NCAPH2: variants seen among roughly 807,000 people sequenced by gnomAD.
NCAPH2 encodes the protein condensin-2 complex subunit H2.
A neutral mutation model predicts 88.6 loss-of-function variants in NCAPH2; 56 were observed. The ratio of observed to expected loss-of-function variants is 0.63; its 90% CI spans 0.51 to 0.79. The LOEUF is 0.79. Among genes scored for constraint, NCAPH2 ranks in the 30% least tolerant of loss-of-function variants. The pLI is 0.00. For missense variants in NCAPH2, 794 were observed against 792.0 expected, an observed-to-expected ratio of 1.00 and a Z score of -0.03; for synonymous variants, 378 against 313.6, an observed-to-expected ratio of 1.21 and a Z score of -2.17.
At position 50,524,667 on chromosome 22, in the gene NCAPH2, C is replaced by T. The variant is rs576097032; in HGVS notation, c.*1292C>T. 7.3e-6 allele frequency: 5 copies of T among 686,334 alleles called. No individual in the cohort carries two copies. The African/African-American group carries it at 8.8e-5, about 12-fold the overall frequency. The allele number at this position is 686,334 out of a possible 1,614,324, so 42.5% of individuals were successfully genotyped here. On this transcript the variant is annotated 3_prime_UTR_variant, in exon 20 of 20. Transcript: ENST00000420993. Reference sequence around the variant, plus strand: ...CACCAGCCTGTCACCGCACCCTGCCCTGCACCTGCACCTCAGCAAGGTGAA... The same window carrying T: ...CACCAGCCTGTCACCGCACCCTGCCTTGCACCTGCACCTCAGCAAGGTGAA...
chr22:50,523,836 G>C lies in NCAPH2; in HGVS notation c.*461G>C, dbSNP rs201909075. On this transcript the variant is annotated 3_prime_UTR_variant, in exon 20 of 20. Transcript: ENST00000420993. ...CCTGGGCAACCTGTTTGGTGGAGCC[G>C]GTCAGACCCAACAGTCTTGGGTGGA... The C allele has an allele frequency of 1.2e-6, 2 of 1,613,918 alleles. No homozygotes were observed. The highest frequency in any genetic ancestry group is 1.7e-6 in the Non-Finnish European group (2 of 1,180,032).
rs1204598721 is a variant in NCAPH2 at position 50,521,041 on chromosome 22, G to A, written c.933+5G>A. On this transcript the variant is annotated splice_donor_5th_base_variant and intron_variant, in intron 10 of 19. Transcript: ENST00000420993. ...GAGCCTGCATCCTGCGTGAAGGTAGGAGTGTTGGGGCCCTGACCCCCGGCA... is the reference window on the plus strand; with the variant it reads ...GAGCCTGCATCCTGCGTGAAGGTAGAAGTGTTGGGGCCCTGACCCCCGGCA... 4 of 1,550,012 alleles carry A rather than the reference G, an allele frequency of 2.6e-6. No homozygotes were observed. Among genetic ancestry groups the A allele is most frequent in the Non-Finnish European group, 3.5e-6 (4 of 1,146,768 alleles).
rs1164767606 is a variant in NCAPH2 at position 50,516,431 on chromosome 22, GTGT to G, written c.109-11_109-9del. The G allele has an allele frequency of 6.2e-7, 1 of 1,613,574 alleles. No homozygotes were observed. The highest frequency in any genetic ancestry group is 8.5e-7 in the Non-Finnish European group (1 of 1,179,524). ...TGGGCCTTGGATTCCCCCTGTCTTT[GTGT>G]TGTTTCTTGCAGCTGGATCAGATCT... On this transcript the variant is annotated splice_polypyrimidine_tract_variant and intron_variant, in intron 1 of 19. Coordinates refer to ENST00000420993, the MANE Select transcript of NCAPH2 (RefSeq NM_152299.4).
intron 17 of NCAPH2, 25 bp from the exon 18 acceptor site, chr22:50,522,796 G>A (rs1603441597): frequency 6.2e-7 from 1 of 1,612,772 alleles, no homozygotes; most frequent in East Asian, 2.2e-5. Flanking sequence ...TTGGGAGGCA[G>A]TAGCTCCTGC....
At chr22:50,510,516 C>T (rs758732777) in intron 1 of NCAPH2, among the ~76,000 whole-genome samples, 2 of 151,986 alleles carry the variant, frequency 1.3e-5, no homozygotes, top group Non-Finnish European at 2.9e-5. Flanking sequence ...CAACCTCCGA[C>T]TCCCAGGTTC....
rs1603441604 is a variant in NCAPH2, at chr22:50,523,037, C to T, written c.1548C>T (p.Asp516=). ...TGCAGGAGCAGCATGTGCCCTTTGA[C>T]ATCCACACCTATGGGGACCAGCTGG... is the stretch of plus-strand genomic sequence containing the variant. The part of the protein sequence containing the change: ...LQEQEQHVPF[D]IHTYGDQLVS... The change falls in exon 19 of 20, where the codon GAC becomes GAT. Residue 516 remains aspartate (D), a synonymous_variant. Transcript: ENST00000420993. The T allele has an allele frequency of 2.5e-6, 4 of 1,601,090 alleles. No homozygotes were observed. Among genetic ancestry groups the T allele is most frequent in the Non-Finnish European group, 3.4e-6 (4 of 1,171,450 alleles).
intron 1 of NCAPH2, among the ~76,000 whole-genome samples, chr22:50,515,273 G>A (rs958643678): frequency 1.3e-5 from 2 of 152,224 alleles, no homozygotes; most frequent in African/African-American, 2.4e-5. Flanking sequence ...TCAAAGTGTC[G>A]TTTGTGGCTG....
At position 50,523,558 on chromosome 22, in the gene NCAPH2, C is replaced by T; in HGVS notation, c.*183C>T. ...CTGGGCCGCTGGTACAGATCACACACACACACAGATTAAACGCAGCCCGTT... is the reference window on the plus strand; with the variant it reads ...CTGGGCCGCTGGTACAGATCACACATACACACAGATTAAACGCAGCCCGTT... On this transcript the variant is annotated 3_prime_UTR_variant, in exon 20 of 20. Transcript: ENST00000420993. 1.9e-6 allele frequency: 3 copies of T among 1,598,898 alleles called. No individual in the cohort carries two copies.
Position 50,522,264 on chromosome 22 carries a change from T to G in NCAPH2, c.1233+13T>G, listed in dbSNP as rs959177291. The G allele has an allele frequency of 5.0e-6, 8 of 1,612,632 alleles. No homozygotes were observed. The African/African-American group carries it at 9.3e-5, about 19-fold the overall frequency. On this transcript the variant is annotated intron_variant, in intron 14 of 19. Transcript: ENST00000420993. ...GCAGAGGAGGGAGGCAAGTCCCAGC[T>G]GGTCAGCTGTGATCTAGGACCCCGT... is the stretch of plus-strand genomic sequence containing the variant.
chr22:50,518,898 C>T (rs1198734071), intron 8 of NCAPH2, among the ~76,000 whole-genome samples, 166 bp downstream of exon 8: 1 of 152,200 alleles, frequency 6.6e-6, no homozygotes, highest in Admixed American at 6.5e-5. Flanking sequence ...AGCCACAGCC[C>T]CCGGTGAGCC....
chr22:50,519,711 A>G, intron 9 of NCAPH2: 2 of 1,065,336 alleles, frequency 1.9e-6, no homozygotes, highest in Non-Finnish European at 2.3e-6. Context: ...CCTAGAGCCA[A>G]GAAATCCTTC....
At chr22:50,510,799 C>T (rs910245424) in intron 1 of NCAPH2, among the ~76,000 whole-genome samples, 11 of 152,012 alleles carry the variant, frequency 7.2e-5, no homozygotes, top group African/African-American at 2.7e-4. Flanking sequence ...AAATAGTCCT[C>T]TCCATCTCAG....
rs1569521259 is a variant in NCAPH2, at chr22:50,522,777, G to A, written c.1426-44G>A. ...GAGGGGGACAGGTGAGCGGTGCCCA[G>A]GCCCCTGCTTGGGAGGCAGTAGCTC... On this transcript the variant is annotated intron_variant, in intron 17 of 19. Transcript: ENST00000420993. 4 of 1,612,262 alleles carry A rather than the reference G, an allele frequency of 2.5e-6. No homozygotes were observed. The African/African-American group carries it at 4.0e-5, about 16-fold the overall frequency.
chr22:50,518,518 C>G (rs1331909415), intron 7 of NCAPH2, 131 bp from the exon 8 acceptor site: 10 of 1,081,944 alleles, frequency 9.2e-6, no homozygotes, highest in South Asian at 1.6e-5. Context: ...GCTGTCTCCC[C>G]CCAGCCCAAG....
chr22:50,518,594 G>C, intron 7 of NCAPH2, 55 bp from the exon 8 acceptor site: 2 of 1,521,530 alleles, frequency 1.3e-6, no homozygotes, highest in East Asian at 2.4e-5. Context: ...ACACCGGGCA[G>C]GGACCATCTT....
At chr22:50,521,156 G>A in intron 10 of NCAPH2, 120 bp downstream of exon 10, 1 of 1,172,214 alleles carries the variant, frequency 8.5e-7, no homozygotes. Context: ...GTGGCCCTTT[G>A]CACTTGCTCT....
intron 1 of NCAPH2, chr22:50,515,639 G>A (rs1360790671): frequency 1.7e-5 from 18 of 1,069,898 alleles, no homozygotes; most frequent in East Asian, 6.0e-5. Flanking sequence ...CTCATGATCT[G>A]CCCGCCTCGG....
intron 1 of NCAPH2, 63 bp downstream of exon 1, chr22:50,508,508 C>G (rs1246997342): frequency 1.1e-6 from 1 of 947,106 alleles, no homozygotes; most frequent in Non-Finnish European, 1.5e-6. Flanking sequence ...GCGGGGGCTC[C>G]GGGCCCGGGG....
chr22:50,515,801 G>A (rs1393404676), intron 1 of NCAPH2: 1 of 1,300,412 alleles, frequency 7.7e-7, no homozygotes, highest in African/African-American at 1.5e-5. Flanking sequence ...AAGTGTTTGG[G>A]GACATTTGAA....
Sources: gnomAD v4.1 joint callset for allele counts (sites outside exome capture counted in the v4.1 genomes callset) on GRCh38, gnomAD v4.1.1 for gene constraint, MANE v1.5 for transcripts, NCBI Gene and HGNC (gene_info 2026-07-23, HGNC 2026-07-21) for gene names.